The following DIO2 variants were observed in gnomAD, a reference collection of about 807,000 sequenced individuals.
DIO2 encodes type II iodothyronine deiodinase.
In DIO2, 19 loss-of-function variants were observed where a neutral mutation model predicts 21.4. The observed-to-expected ratio is 0.89, with a 90% CI of 0.62 to 1.30. The LOEUF is 1.30. Among genes scored for constraint, DIO2 ranks in the 50% most tolerant of loss-of-function variants. DIO2 has a pLI of 0.00. For synonymous variants in DIO2, 122 were observed against 132.9 expected (o/e 0.92, Z 0.57); for missense variants, 302 against 338.1 (o/e 0.89, Z 0.84).
chr14:80,213,964 A>G (rs1888288972), upstream of DIO2, among the ~76,000 whole-genome samples: 1 of 152,234 alleles, frequency 6.6e-6, no homozygotes, highest in Non-Finnish European at 1.5e-5. Context: ...CCCTATGACT[A>G]GCATACAATG....
In DIO2 at chr14:80,203,309, A is replaced by AAG. The variant is rs1555354010; in HGVS notation, c.223-22_223-21insCT. The AAG allele has an allele frequency of 1.5e-5, 22 of 1,422,584 alleles. No individual in the cohort carries two copies. In the East Asian group the frequency reaches 3.6e-4, roughly 23 times the overall value. 88.1% of individuals were successfully genotyped at this position (1,422,584 alleles called of 1,614,324 possible). On this transcript the variant is annotated intron_variant, in intron 1 of 1. Transcript: ENST00000438257. ...TTCACCTGACGGTAAAAAAAAAAAA[A>AAG]AAGAAGAAGAAGAAGAAGGTGAGAA...
chr14:80,203,243 A>T lies in DIO2; in HGVS notation c.268T>A (p.Ser90Thr), dbSNP rs977508555. ...DAPNSSVVHV[S>T]STEGGDNSGN... ...CTGTTGTCACCTCCTTCTGTACTGG[A>T]GACATGCACCACACTGGAATTGGGG... The change falls in exon 2 of 2, where the codon TCC becomes ACC. Residue 90 changes from serine (S) to threonine (T), a missense_variant. Ser to Thr is a moderately conservative substitution (Grantham distance 58, BLOSUM62 1). Coordinates refer to ENST00000438257, the MANE Select transcript of DIO2 (RefSeq NM_013989.5). 1.2e-6 allele frequency: 2 copies of T among 1,606,524 alleles called. No homozygotes were observed. The highest frequency in any genetic ancestry group is 1.7e-6 in the Non-Finnish European group (2 of 1,176,502).
Position 80,199,392 on chromosome 14 carries a change from T to C in DIO2, c.*3297A>G, listed in dbSNP as rs1224365661. The C allele has an allele frequency of 5.9e-5, 9 of 152,078 alleles. No individual in the cohort carries two copies. The highest frequency in any genetic ancestry group is 1.3e-4 in the Non-Finnish European group (9 of 68,028). The allele number at this position is 152,078 out of a possible 1,614,324, so 9.4% of individuals were successfully genotyped here. A position where few individuals can be genotyped will look rare whatever the true frequency, so the allele number is the denominator to read the frequency against. On this transcript the variant is annotated 3_prime_UTR_variant, in exon 2 of 2. Transcript: ENST00000438257. ...AAAAATCAAGGAGACGTGCTATAAATGAGGTGAAGACACAGGACCAGAGAC... is the reference window on the plus strand; with the variant it reads ...AAAAATCAAGGAGACGTGCTATAAACGAGGTGAAGACACAGGACCAGAGAC...
rs1887552914 is a variant in DIO2 at position 80,198,105 on chromosome 14, G to T, written c.*4584C>A. On this transcript the variant is annotated 3_prime_UTR_variant, in exon 2 of 2. Coordinates refer to ENST00000438257, the MANE Select transcript of DIO2 (RefSeq NM_013989.5). ...TCTTTATTTCCCATCCCCTTCTGTG[G>T]GTTTCTTTCATTTATGTGTTTACCT... 6.6e-6 allele frequency: 1 copy of T among 152,616 alleles called. No homozygotes were observed. The highest frequency in any genetic ancestry group is 2.4e-5 in the African/African-American group (1 of 41,440). 9.5% of individuals were successfully genotyped at this position (152,616 alleles called of 1,614,324 possible).
chr14:80,227,132 C>T (rs1183594710), intron 2 of DIO2, among the ~76,000 whole-genome samples: 1 of 152,188 alleles, frequency 6.6e-6, no homozygotes, highest in African/African-American at 2.4e-5. Context: ...TAGAAAGGGG[C>T]TGCAGTGCTG....
chr14:80,209,806 G>A (rs1345068712), intron 1 of DIO2, among the ~76,000 whole-genome samples: 2 of 152,108 alleles, frequency 1.3e-5, no homozygotes, highest in Non-Finnish European at 2.9e-5. Context: ...TAATAAAGAC[G>A]TGCATTGTGG....
intron 2 of DIO2, among the ~76,000 whole-genome samples, chr14:80,226,905 A>G (rs1159541097): frequency 2.6e-5 from 4 of 152,214 alleles, no homozygotes; most frequent in Non-Finnish European, 4.4e-5. Flanking sequence ...ATCCATCCAC[A>G]TACGTCTTCC....
At chr14:80,208,847 CATA>C (rs1888053481) in intron 1 of DIO2, among the ~76,000 whole-genome samples, 1 of 152,162 alleles carries the variant, frequency 6.6e-6, no homozygotes, top group Non-Finnish European at 1.5e-5. Context: ...CAGCTGTGTT[CATA>C]ATGTTTCCAT....
chr14:80,216,314 T>C (rs544381742), upstream of DIO2, among the ~76,000 whole-genome samples: 79 of 152,318 alleles, frequency 5.2e-4, no homozygotes, highest in African/African-American at 1.8e-3. Context: ...TTAATGCTAA[T>C]TGTGGCGATG....
chr14:80,223,816 CAAAGTT>C (rs1172921971), intron 2 of DIO2, among the ~76,000 whole-genome samples: 3 of 152,084 alleles, frequency 2.0e-5, no homozygotes, highest in Admixed American at 2.0e-4. Context: ...ATGTTGTAGA[CAAAGTT>C]AAATAAAATC....
Position 80,202,672 on chromosome 14 carries a change from C to G in DIO2, c.*17G>C. 6.3e-7 allele frequency: 1 copy of G among 1,589,460 alleles called. No individual in the cohort carries two copies. The highest frequency in any genetic ancestry group is 8.6e-7 in the Non-Finnish European group (1 of 1,167,474). On this transcript the variant is annotated 3_prime_UTR_variant, in exon 2 of 2. Coordinates refer to ENST00000438257, the MANE Select transcript of DIO2 (RefSeq NM_013989.5). The stretch of plus-strand genomic sequence containing the variant: ...ATATAACTTTTTAAAACAATAAGCT[C>G]TCTTATAATCATACCTTTAACCAGC...
At position 80,228,511 on chromosome 14, in the gene DIO2, CT is replaced by C. The variant is rs1258318013; in HGVS notation, c.-277-11775del. Among the ~76,000 whole-genome samples the C allele has an allele frequency of 7.2e-5, 11 of 152,318 alleles. No individual in the cohort carries two copies. In the East Asian group the frequency reaches 2.1e-3, roughly 29 times the overall value. ...GTGGTGGGAATCACCACCCCTGCAT[CT>C]TTCAAGCCCTTGATGGTGGCACTAA... is the stretch of plus-strand genomic sequence containing the variant. On this transcript the variant is annotated intron_variant, in intron 2 of 4. Transcript: ENST00000553594.
intron 1 of DIO2, chr14:80,205,784 G>C (rs1411148960): frequency 3.5e-6 from 4 of 1,139,652 alleles, no homozygotes; most frequent in South Asian, 1.5e-5. Flanking sequence ...TGCTCTTTAT[G>C]GGGGGGATTT....
chr14:80,224,496 T>TACACACACAA (rs1555355394), intron 2 of DIO2, among the ~76,000 whole-genome samples: 1 of 138,380 alleles, frequency 7.2e-6, no homozygotes, highest in Non-Finnish European at 1.6e-5. Flanking sequence ...AGAGAGATAC[T>TACACACACAA]ACACACACAC....
rs1367244845 is a variant in DIO2 at position 80,202,798 on chromosome 14, A to G, written c.713T>C (p.Ile238Thr). Residue 238 changes from isoleucine to threonine, a missense_variant, in exon 2 of 2, where the codon ATT becomes ACT. Transcript: ENST00000438257. Reference sequence around the variant, plus strand: ...GGGGCCCTTTCCTCCCAGATAAGCAATTTTCTGTCTCTGCACAATGCACAC... The same window carrying G: ...GGGGCCCTTTCCTCCCAGATAAGCAGTTTTCTGTCTCTGCACAATGCACAC... ...ERVCIVQRQK[I>T]AYLGGKGPFS... The G allele has an allele frequency of 6.2e-7, 1 of 1,613,790 alleles. No individual in the cohort carries two copies. Among genetic ancestry groups the G allele is most frequent in the Non-Finnish European group, 8.5e-7 (1 of 1,179,854 alleles).
chr14:80,228,477 A>G (rs1255596927), intron 2 of DIO2, among the ~76,000 whole-genome samples: 1 of 152,196 alleles, frequency 6.6e-6, no homozygotes, highest in East Asian at 1.9e-4. Flanking sequence ...GGGAGAGTTG[A>G]ATGGGGATGT....
chr14:80,216,496 G>A (rs1339299967), upstream of DIO2, among the ~76,000 whole-genome samples: 4 of 152,152 alleles, frequency 2.6e-5, no homozygotes, highest in Non-Finnish European at 4.4e-5. Context: ...CTCTCCAGGT[G>A]CCTTGACTCT....
upstream of DIO2, among the ~76,000 whole-genome samples, chr14:80,212,739 T>C (rs907226111): frequency 2.0e-5 from 3 of 152,096 alleles, no homozygotes; most frequent in South Asian, 4.1e-4. Context: ...AAATGAGTTG[T>C]AGGTGGAAAA....
At chr14:80,222,852 C>T (rs1162762954) in intron 2 of DIO2, among the ~76,000 whole-genome samples, 1 of 144,806 alleles carries the variant, frequency 6.9e-6, no homozygotes, top group African/African-American at 2.6e-5. Context: ...AGTATTATTT[C>T]TTTGTTTCTT....
Sources: gnomAD v4.1 joint callset for allele counts (sites outside exome capture counted in the v4.1 genomes callset) on GRCh38, gnomAD v4.1.1 for gene constraint, MANE v1.5 for transcripts, NCBI Gene and HGNC (gene_info 2026-07-23, HGNC 2026-07-21) for gene names.